Variants in MME observed in about 807,000 individuals in gnomAD.
The protein encoded by MME is neprilysin.
In MME, 98 loss-of-function variants were observed where a neutral mutation model predicts 113.2. That is an observed-to-expected ratio of 0.87 (90% CI 0.74 to 1.02). The LOEUF (loss-of-function observed/expected upper bound fraction) is 1.02. Among genes scored for constraint, MME ranks in the 50% least tolerant of loss-of-function variants. The probability of loss-of-function intolerance (pLI) is 0.00; values close to 1 mark genes in which losing one functional copy is unlikely to be tolerated. For synonymous variants in MME, 292 were observed against 300.6 expected, an observed-to-expected ratio of 0.97 and a Z score of 0.30; for missense variants, 836 against 896.0, an observed-to-expected ratio of 0.93 and a Z score of 0.86.
rs113926364 is a variant in MME at position 155,033,098 on chromosome 3, G to A, written c.-11+8774G>A. Among the ~76,000 whole-genome samples, 777 of 152,304 alleles carry A rather than the reference G, an allele frequency of 5.1e-3. 8 individuals carry two copies. Among genetic ancestry groups the A allele is most frequent in the African/African-American group, 0.017 (723 of 41,564 alleles). On this transcript the variant is annotated intron_variant, in intron 1 of 22. Transcript: ENST00000492661. ...AATCTATAAAAAAGACCTGTGATTG[G>A]AAGAGGGGAGATCTGGTTTCTGTCT...
chr3:155,163,144 G>A (rs1481356254), intron 17 of MME, among the ~76,000 whole-genome samples: 1 of 151,820 alleles, frequency 6.6e-6, no homozygotes, highest in African/African-American at 2.4e-5. Context: ...TAAAATTAGG[G>A]TTGGTATAGA....
At chr3:155,141,811 A>C (rs1162092392) in intron 10 of MME, among the ~76,000 whole-genome samples, 180 bp from the exon 11 acceptor site, 4 of 152,152 alleles carry the variant, frequency 2.6e-5, no homozygotes, top group Non-Finnish European at 4.4e-5. Context: ...TGGTTGGCTT[A>C]ATTATGCTAG....
Position 155,183,114 on chromosome 3 carries a change from G to T in MME, c.*2655G>T, listed in dbSNP as rs924139870. The T allele has an allele frequency of 2.6e-5, 4 of 152,218 alleles. No homozygotes were observed. In the South Asian group the frequency reaches 8.3e-4, roughly 32 times the overall value. The allele number at this position is 152,218 out of a possible 1,614,324, so 9.4% of individuals were successfully genotyped here. A position where few individuals can be genotyped will look rare whatever the true frequency, so the allele number is the denominator to read the frequency against. ...AGCTCTCGACAATACCCGTTGGCAA[G>T]GAGTCTGCCTCCATGCTGCAGTGTT... On this transcript the variant is annotated 3_prime_UTR_variant, in exon 23 of 23. Coordinates refer to ENST00000360490, the MANE Select transcript of MME (RefSeq NM_007289.4).
intron 12 of MME, 51 bp downstream of exon 12, chr3:155,142,381 T>C (rs754375573): frequency 2.7e-6 from 4 of 1,466,210 alleles, no homozygotes; most frequent in African/African-American, 1.4e-5. Flanking sequence ...AAGTGATACA[T>C]GGTTATGAAG....
At chr3:155,149,279 C>T (rs11925306) in intron 16 of MME, among the ~76,000 whole-genome samples, 4,719 of 151,904 alleles carry the variant, frequency 0.031, 103 homozygotes, top group Non-Finnish European at 0.05. Flanking sequence ...GTTTATGCAC[C>T]GAAATTCCTA....
intron 17 of MME, among the ~76,000 whole-genome samples, chr3:155,163,911 G>A (rs1044307571): frequency 2.0e-5 from 3 of 152,004 alleles, no homozygotes; most frequent in Admixed American, 6.6e-5. Flanking sequence ...GGAAAGCTGA[G>A]GTAGGCTGAT....
intron 1 of MME, among the ~76,000 whole-genome samples, chr3:155,027,752 A>G (rs982776714): frequency 6.6e-6 from 1 of 152,226 alleles, no homozygotes; most frequent in African/African-American, 2.4e-5. Context: ...AAAAACACAC[A>G]AATAGTTTAC....
At chr3:155,093,854 T>TA (rs200029597) in intron 3 of MME, among the ~76,000 whole-genome samples, 2,165 of 113,084 alleles carry the variant, frequency 0.019, 31 homozygotes, top group South Asian at 0.056. Flanking sequence ...AGACTCTGTC[T>TA]AAAAAAAAAA....
chr3:155,113,519 A>T (rs2108247206), intron 3 of MME, among the ~76,000 whole-genome samples: 1 of 152,286 alleles, frequency 6.6e-6, no homozygotes, highest in East Asian at 1.9e-4. Context: ...AAGTGCTGGA[A>T]TTACAGGCGT....
chr3:155,116,916 A>T lies in MME; in HGVS notation c.584A>T (p.Tyr195Phe). 1 of 1,612,612 alleles carries T rather than the reference A, an allele frequency of 6.2e-7. No homozygotes were observed. The highest frequency in any genetic ancestry group is 1.7e-5 in the Admixed American group (1 of 59,938). Residue 195 changes from tyrosine to phenylalanine, a missense_variant, in exon 7 of 23, where the codon TAT becomes TTT. Tyr to Phe is a conservative substitution (Grantham distance 22). Coordinates refer to ENST00000360490, the MANE Select transcript of MME (RefSeq NM_007289.4). The stretch of plus-strand genomic sequence containing the variant: ...GCTATTGCACAACTGAATTCTAAAT[A>T]TGGGAAAAAAGTCCTTATTAATTTG... ...EKAIAQLNSK[Y>F]GKKVLINLFV...
chr3:155,178,529 T>C lies in MME; in HGVS notation c.2154-1831T>C, dbSNP rs557000800. On this transcript the variant is annotated intron_variant, in intron 22 of 22. Coordinates refer to ENST00000360490, the MANE Select transcript of MME (RefSeq NM_007289.4). ...CAGGTAATCACTGTGACCAACCAGG[T>C]CACAGGTTAATTCATTCAGTATGTA... is the stretch of plus-strand genomic sequence containing the variant. Among the ~76,000 whole-genome samples the C allele has an allele frequency of 2.0e-5, 3 of 152,248 alleles. No individual in the cohort carries two copies. The South Asian group carries it at 6.2e-4, about 32-fold the overall frequency.
intron 1 of MME, among the ~76,000 whole-genome samples, chr3:155,069,395 T>C (rs891896909): frequency 1.3e-5 from 2 of 152,140 alleles, no homozygotes; most frequent in Admixed American, 1.3e-4. Flanking sequence ...AAAGATGCTT[T>C]CAGTGAGAGG....
At chr3:155,162,671 A>G (rs1202234138) in intron 17 of MME, among the ~76,000 whole-genome samples, 1 of 152,094 alleles carries the variant, frequency 6.6e-6, no homozygotes, top group African/African-American at 2.4e-5. Context: ...GGATTGTCTT[A>G]ACTAAAAATA....
chr3:155,111,339 C>T (rs528089663), intron 3 of MME, among the ~76,000 whole-genome samples: 3 of 152,158 alleles, frequency 2.0e-5, no homozygotes, highest in Non-Finnish European at 2.9e-5. Context: ...GAACAGAGAG[C>T]GCTCTTTGAA....
chr3:155,028,989 A>C (rs1173224837), intron 1 of MME, among the ~76,000 whole-genome samples: 1 of 152,202 alleles, frequency 6.6e-6, no homozygotes, highest in Non-Finnish European at 1.5e-5. Context: ...CATTTAGCCA[A>C]AGTGATCATG....
chr3:155,102,511 A>G (rs1244118053), intron 3 of MME, among the ~76,000 whole-genome samples: 2 of 152,220 alleles, frequency 1.3e-5, no homozygotes, highest in Non-Finnish European at 2.9e-5. Flanking sequence ...TTTGCAGTCC[A>G]CAAGAGCCCT....
intron 1 of MME, among the ~76,000 whole-genome samples, chr3:155,082,805 T>C (rs1715272855): frequency 6.6e-6 from 1 of 152,208 alleles, no homozygotes; most frequent in South Asian, 2.1e-4. Context: ...AGTTTTCTGC[T>C]GGGTCTCCCA....
At chr3:155,176,987 T>A (rs140284783) in intron 22 of MME, among the ~76,000 whole-genome samples, 2 of 152,250 alleles carry the variant, frequency 1.3e-5, no homozygotes, top group East Asian at 1.9e-4. Flanking sequence ...GAGAGCTGAG[T>A]GCACACCAGG....
At chr3:155,042,924 A>G (rs1474805051) in intron 1 of MME, among the ~76,000 whole-genome samples, 60 of 65,412 alleles carry the variant, frequency 9.2e-4, no homozygotes, top group African/African-American at 3.4e-3. Context: ...ATATATATAT[A>G]TATATATATA....
Sources: allele counts gnomAD v4.1 joint callset (sites outside exome capture counted in the v4.1 genomes callset), GRCh38; gene constraint gnomAD v4.1.1; transcripts MANE v1.5; gene names NCBI Gene and HGNC (gene_info 2026-07-23, HGNC 2026-07-21).